PTPRO: variants seen among roughly 807,000 people sequenced by gnomAD.
PTPRO encodes the protein receptor-type tyrosine-protein phosphatase O.
A neutral mutation model predicts 145.2 loss-of-function variants in PTPRO; 62 were observed. That is an observed-to-expected ratio of 0.43 (90% confidence interval 0.35 to 0.53). PTPRO has a LOEUF of 0.53. Ranked by LOEUF, PTPRO falls within the 20% of genes least tolerant of loss-of-function variation. The pLI is 0.01. For synonymous variants in PTPRO, 565 were observed against 514.7 expected (o/e 1.10, Z -1.32); for missense variants, 1,345 against 1,482.7 (o/e 0.91, Z 1.53).
intron 1 of PTPRO, among the ~76,000 whole-genome samples, chr12:15,394,891 A>T (rs1247347390): frequency 6.6e-6 from 1 of 152,230 alleles, no homozygotes; most frequent in Non-Finnish European, 1.5e-5. Flanking sequence ...AACTCTACTT[A>T]TCAACTGAAG....
intron 1 of PTPRO, among the ~76,000 whole-genome samples, chr12:15,358,479 C>T (rs1007373163): frequency 7.9e-5 from 12 of 152,192 alleles, no homozygotes; most frequent in African/African-American, 2.9e-4. Flanking sequence ...TCCTACCTAA[C>T]TCCCCCACGT....
chr12:15,466,143 A>C (rs544475856), intron 1 of PTPRO, among the ~76,000 whole-genome samples: 2 of 152,250 alleles, frequency 1.3e-5, no homozygotes, highest in East Asian at 3.9e-4. Flanking sequence ...TTTAATCAAA[A>C]TCTTTTTGTT....
chr12:15,463,418 T>A (rs1565644576), intron 1 of PTPRO, among the ~76,000 whole-genome samples: 1 of 152,210 alleles, frequency 6.6e-6, no homozygotes, highest in South Asian at 2.1e-4. Context: ...TATCTATGAT[T>A]TTTTTAAGAA....
intron 1 of PTPRO, among the ~76,000 whole-genome samples, chr12:15,442,675 T>G (rs2136362127): frequency 6.6e-6 from 1 of 152,080 alleles, no homozygotes; most frequent in Admixed American, 6.6e-5. Flanking sequence ...GTACAAAAAT[T>G]AGTAGCAGTT....
intron 1 of PTPRO, among the ~76,000 whole-genome samples, chr12:15,348,864 C>T (rs562232429): frequency 6.6e-6 from 1 of 152,056 alleles, no homozygotes; most frequent in South Asian, 2.1e-4. Context: ...CCCAGTGAGA[C>T]CCATGCCAGA....
rs138298289 is a variant in PTPRO, at chr12:15,477,660, G to A, written c.76-6314G>A. Reference sequence around the variant, plus strand: ...AGGAGCAGGAGTTAGCCTTCAGAGCGTGAGTCGGGACAAAGTGGCAAGAAC... The same window carrying A: ...AGGAGCAGGAGTTAGCCTTCAGAGCATGAGTCGGGACAAAGTGGCAAGAAC... On this transcript the variant is annotated intron_variant, in intron 1 of 26. Transcript: ENST00000281171. Among the ~76,000 whole-genome samples the A allele has an allele frequency of 1.9e-4, 29 of 152,214 alleles. 1 individual carries two copies. Among genetic ancestry groups the A allele is most frequent in the African/African-American group, 5.8e-4 (24 of 41,548 alleles).
intron 1 of PTPRO, among the ~76,000 whole-genome samples, chr12:15,394,840 T>A (rs560108332): frequency 6.6e-6 from 1 of 152,216 alleles, no homozygotes; most frequent in African/African-American, 2.4e-5. Context: ...ACAGGGCTTG[T>A]CTAGTTTCTG....
At chr12:15,462,314 C>T (rs985286540) in intron 1 of PTPRO, among the ~76,000 whole-genome samples, 2 of 151,984 alleles carry the variant, frequency 1.3e-5, no homozygotes, top group African/African-American at 4.8e-5. Context: ...TCAGTAGAGA[C>T]CGGGTTTCAC....
intron 1 of PTPRO, among the ~76,000 whole-genome samples, chr12:15,455,497 C>T (rs962303839): frequency 5.9e-5 from 9 of 152,100 alleles, no homozygotes; most frequent in African/African-American, 1.9e-4. Context: ...ACACAGGACA[C>T]CTTTCCAATT....
chr12:15,390,897 C>A (rs1437949178), intron 1 of PTPRO, among the ~76,000 whole-genome samples: 1 of 152,144 alleles, frequency 6.6e-6, no homozygotes, highest in African/African-American at 2.4e-5. Flanking sequence ...CTGGGAAGTC[C>A]AAGGTCAAGG....
chr12:15,589,675 C>G, intron 25 of PTPRO, 85 bp downstream of exon 25: 2 of 1,493,680 alleles, frequency 1.3e-6, no homozygotes, highest in Non-Finnish European at 1.9e-6. Context: ...CAAAACAATT[C>G]TCTCAAACTT....
intron 19 of PTPRO, among the ~76,000 whole-genome samples, chr12:15,576,570 G>C (rs1196917866): frequency 6.6e-6 from 1 of 152,206 alleles, no homozygotes; most frequent in Non-Finnish European, 1.5e-5. Flanking sequence ...CAAGAGAATT[G>C]GGGGAAGAGT....
intron 1 of PTPRO, among the ~76,000 whole-genome samples, chr12:15,482,047 C>A (rs778687091): frequency 1.2e-4 from 18 of 152,060 alleles, no homozygotes; most frequent in Non-Finnish European, 1.8e-4. Context: ...TTGACGATTT[C>A]TCTGCACTCC....
chr12:15,442,700 C>T (rs1210504826), intron 1 of PTPRO, among the ~76,000 whole-genome samples: 2 of 152,040 alleles, frequency 1.3e-5, no homozygotes, highest in Admixed American at 6.6e-5. Flanking sequence ...ACACCAATAG[C>T]ATTCAAGCTG....
intron 15 of PTPRO, among the ~76,000 whole-genome samples, chr12:15,555,817 G>C (rs1943606831): frequency 6.6e-6 from 1 of 152,024 alleles, no homozygotes; most frequent in Non-Finnish European, 1.5e-5. Flanking sequence ...AAATACATAG[G>C]ATTATACAAC....
In PTPRO at chr12:15,460,158, C is replaced by T. The variant is rs78688164; in HGVS notation, c.76-23816C>T. 3.7e-3 allele frequency among the ~76,000 whole-genome samples: 566 copies of T among 152,238 alleles called. 1 individual carries two copies. The highest frequency in any genetic ancestry group is 0.014 in the Middle Eastern group (4 of 294). ...AATGACTTGTTAAGGCTAGGCTTAC[C>T]CTAGATGGCTCAGGATCTTGCTGGT... On this transcript the variant is annotated intron_variant, in intron 1 of 26. Transcript: ENST00000281171.
intron 1 of PTPRO, among the ~76,000 whole-genome samples, chr12:15,450,502 G>T (rs1275856498): frequency 6.6e-6 from 1 of 152,160 alleles, no homozygotes; most frequent in Admixed American, 6.5e-5. Flanking sequence ...GGCCAGGCAT[G>T]GTGGCTCATG....
chr12:15,322,839 G>A lies in PTPRO; in HGVS notation c.75+38G>A, dbSNP rs568228715. 9 of 1,593,088 alleles carry A rather than the reference G, an allele frequency of 5.6e-6. No individual in the cohort carries two copies. The African/African-American group carries it at 1.1e-4, about 19-fold the overall frequency. ...CTCCACCCCTTTTTCCCAGCGGTCC[G>A]GGCGGCAGCCGCGCTCCGGCGCCCT... On this transcript the variant is annotated intron_variant, in intron 1 of 26. Coordinates refer to ENST00000281171, the MANE Select transcript of PTPRO (RefSeq NM_030667.3). This position sits in a 1 kb window ranked among gnomAD's most constrained non-coding sequence, Gnocchi z 6.3.
At chr12:15,485,846 T>G (rs780303823) in intron 2 of PTPRO, among the ~76,000 whole-genome samples, 1 of 152,210 alleles carries the variant, frequency 6.6e-6, no homozygotes, top group African/African-American at 2.4e-5. Context: ...GGCTTACAAG[T>G]GTGTTGAATA....
Sources: gnomAD v4.1 joint callset for allele counts (sites outside exome capture counted in the v4.1 genomes callset) on GRCh38, gnomAD v4.1.1 for gene constraint, Gnocchi (gnomAD v3.1) non-coding constraint, MANE v1.5 for transcripts, NCBI Gene and HGNC (gene_info 2026-07-23, HGNC 2026-07-21) for gene names.